EMG1: variants seen among roughly 807,000 people sequenced by gnomAD.
EMG1 encodes ribosomal RNA small subunit methyltransferase NEP1.
A neutral mutation model predicts 26.9 loss-of-function variants in EMG1; 24 were observed. The observed-to-expected ratio is 0.89, with a 90% CI of 0.65 to 1.26. EMG1 has a LOEUF of 1.26. EMG1 is among the 50% of genes most tolerant of loss of function. EMG1 has a pLI of 0.00. For synonymous variants in EMG1, 140 were observed against 112.6 expected, an observed-to-expected ratio of 1.24 and a Z score of -1.54; for missense variants, 299 against 307.6, an observed-to-expected ratio of 0.97 and a Z score of 0.21.
At chr12:6,989,018 C>T (rs1017851188), downstream of EMG1, among the ~76,000 whole-genome samples, 3 of 151,518 alleles carry the variant, frequency 2.0e-5, no homozygotes, top group South Asian at 2.1e-4. Context: ...CCCAGCTACT[C>T]GGGAGGCTGA....
At chr12:6,972,411 G>A (rs1164000221) in intron 1 of EMG1, among the ~76,000 whole-genome samples, 3 of 151,160 alleles carry the variant, frequency 2.0e-5, no homozygotes, top group East Asian at 3.9e-4. Context: ...CCCTTTTTTC[G>A]CAGACTTTTT....
In EMG1 at chr12:6,975,681, CTG is replaced by C. The variant is rs1555153055; in HGVS notation, c.622-13_622-12del. ...TGAGTGACAGAGTTGGCTGACAAAACTGTTCTTTTCTTAGGTCAGTGTGGAGT... is the reference window on the plus strand; with the variant it reads ...TGAGTGACAGAGTTGGCTGACAAAACTTCTTTTCTTAGGTCAGTGTGGAGT... On this transcript the variant is annotated splice_polypyrimidine_tract_variant and intron_variant, in intron 5 of 5. Transcript: ENST00000599672. 1 of 1,555,034 alleles carries C rather than the reference CTG, an allele frequency of 6.4e-7. No homozygotes were observed. The highest frequency in any genetic ancestry group is 1.4e-5 in the African/African-American group (1 of 73,866).
At position 6,974,309 on chromosome 12, in the gene EMG1, T is replaced by C. The variant is rs782509014; in HGVS notation, c.169-30T>C. 2.6e-6 allele frequency: 4 copies of C among 1,515,128 alleles called. No homozygotes were observed. In the African/African-American group the frequency reaches 5.5e-5, roughly 21 times the overall value. 93.9% of individuals were successfully genotyped at this position (1,515,128 alleles called of 1,614,324 possible). On this transcript the variant is annotated intron_variant, in intron 1 of 5. Coordinates refer to ENST00000599672, the MANE Select transcript of EMG1 (RefSeq NM_006331.8). ...GGGGCTAGGTAACAGAAGCTTATGC[T>C]GTTCTCTCGTCATGTTCCCTGTTCT...
chr12:6,977,508 T>A lies in EMG1; in HGVS notation c.*1699T>A. The A allele has an allele frequency of 1.9e-6, 3 of 1,614,176 alleles. No individual in the cohort carries two copies. Among genetic ancestry groups the A allele is most frequent in the Non-Finnish European group, 2.5e-6 (3 of 1,180,018 alleles). Reference sequence around the variant, plus strand: ...CCAGCTTGCTCAGGGTGGGGCTCTCTTGAATGAGCCTGGCAGCCTGGGGAG... The same window carrying A: ...CCAGCTTGCTCAGGGTGGGGCTCTCATGAATGAGCCTGGCAGCCTGGGGAG... On this transcript the variant is annotated 3_prime_UTR_variant, in exon 6 of 6. Transcript: ENST00000599672. The surrounding 1 kb of genome is among the most constrained non-coding windows in gnomAD (Gnocchi z 4.5).
intron 7 of EMG1, chr12:6,988,143 C>G (rs1946546915): frequency 4.2e-6 from 1 of 238,100 alleles, no homozygotes; most frequent in East Asian, 7.9e-5. Context: ...ACTTAGAGGC[C>G]TTGTGTGCTA....
Position 6,977,744 on chromosome 12 carries a change from A to G in EMG1, c.*1935A>G. 6.2e-7 allele frequency: 1 copy of G among 1,613,972 alleles called. No homozygotes were observed. Among genetic ancestry groups the G allele is most frequent in the Non-Finnish European group, 8.5e-7 (1 of 1,179,968 alleles). ...AGGAACTTGAGTCGTTTGAAGATGT[A>G]GCTGGAGAAAAGGGTGGGTGGGGCG... On this transcript the variant is annotated 3_prime_UTR_variant, in exon 6 of 6. Coordinates refer to ENST00000599672, the MANE Select transcript of EMG1 (RefSeq NM_006331.8). The surrounding 1 kb of genome is among the most constrained non-coding windows in gnomAD (Gnocchi z 4.5).
chr12:6,992,844 A>G (rs1946601572), downstream of EMG1, among the ~76,000 whole-genome samples: 1 of 152,220 alleles, frequency 6.6e-6, no homozygotes, highest in African/African-American at 2.4e-5. Context: ...CAAGTCCCTT[A>G]TATAATATGG....
chr12:6,972,148 C>T (rs2138316874), intron 1 of EMG1, among the ~76,000 whole-genome samples: 1 of 151,146 alleles, frequency 6.6e-6, no homozygotes, highest in South Asian at 2.1e-4. Context: ...CTCACTGCAG[C>T]CTCCGCCTCC....
chr12:6,986,046 A>G (rs1946522358), intron 6 of EMG1, among the ~76,000 whole-genome samples: 2 of 151,574 alleles, frequency 1.3e-5, no homozygotes, highest in African/African-American at 4.8e-5. Context: ...AAGTGCTAGG[A>G]TTACAGGCGT....
downstream of EMG1, chr12:6,983,315 C>T: frequency 1.5e-6 from 1 of 687,638 alleles, no homozygotes; most frequent in Non-Finnish European, 2.6e-6. Flanking sequence ...ACCCTCTTTG[C>T]AAGTGGGAGC....
At position 6,979,224 on chromosome 12, in the gene EMG1, G is replaced by A. The variant is rs1946443958; in HGVS notation, c.*3415G>A. 3.7e-6 allele frequency: 2 copies of A among 535,824 alleles called. No homozygotes were observed. The highest frequency in any genetic ancestry group is 2.4e-5 in the South Asian group (1 of 42,352). The allele number at this position is 535,824 out of a possible 1,614,324, so 33.2% of individuals were successfully genotyped here. ...GGATGTGATAAGGCAAGCTAGGAGC[G>A]GCTCCTAGAGAAGGCAACGGGTGCT... On this transcript the variant is annotated 3_prime_UTR_variant, in exon 6 of 6. Coordinates refer to ENST00000599672, the MANE Select transcript of EMG1 (RefSeq NM_006331.8).
In EMG1 at chr12:6,976,121, C is replaced by A; in HGVS notation, c.*312C>A. 3.7e-6 allele frequency: 1 copy of A among 268,554 alleles called. No homozygotes were observed. The highest frequency in any genetic ancestry group is 7.8e-5 in the East Asian group (1 of 12,896). 16.6% of individuals were successfully genotyped at this position (268,554 alleles called of 1,614,324 possible). A position where few individuals can be genotyped will look rare whatever the true frequency, so the allele number is the denominator to read the frequency against. ...GCTTTAGCTCCCAGATTCCCATGTGCTAAAGGAGAGAACCCTGATGATGGA... is the reference window on the plus strand; with the variant it reads ...GCTTTAGCTCCCAGATTCCCATGTGATAAAGGAGAGAACCCTGATGATGGA... On this transcript the variant is annotated 3_prime_UTR_variant, in exon 6 of 6. Coordinates refer to ENST00000599672, the MANE Select transcript of EMG1 (RefSeq NM_006331.8).
chr12:6,980,255 C>G (rs1555153906), downstream of EMG1, among the ~76,000 whole-genome samples: 1 of 151,964 alleles, frequency 6.6e-6, no homozygotes, highest in African/African-American at 2.4e-5. Context: ...GTTGCCCAGG[C>G]TGGTCTTGAA....
chr12:6,985,370 T>C (rs1946512980), intron 6 of EMG1, among the ~76,000 whole-genome samples: 1 of 151,614 alleles, frequency 6.6e-6, no homozygotes, highest in Non-Finnish European at 1.5e-5. Flanking sequence ...CACTCCAGCC[T>C]GGGCGACAGA....
downstream of EMG1, among the ~76,000 whole-genome samples, chr12:6,991,307 AAGT>A: frequency 6.6e-6 from 1 of 152,374 alleles, no homozygotes; most frequent in East Asian, 1.9e-4. Flanking sequence ...AAAACTTGAC[AAGT>A]AGTAGTTTCT....
exon 8 of EMG1, chr12:6,988,189 G>A (rs74374779): frequency 3.4e-5 from 6 of 178,728 alleles, no homozygotes; most frequent in East Asian, 2.8e-4. Context: ...AGGAGGGGAC[G>A]TTGTTGAGTT....
At position 6,975,303 on chromosome 12, in the gene EMG1, T is replaced by C. The variant is rs1232599299; in HGVS notation, c.546T>C (p.Val182=). The part of the protein sequence containing the change: ...MKVGTSFSIP[V]VSDVRELVPS... ...TTGGCACTTCTTTTTCCATCCCGGT[T>C]GTCAGTGATGTGCGTGAGCTGGTGC... The change falls in exon 5 of 6, where the codon GTT becomes GTC. Residue 182 remains valine (V), a synonymous_variant. Coordinates refer to ENST00000599672, the MANE Select transcript of EMG1 (RefSeq NM_006331.8). The C allele has an allele frequency of 1.2e-6, 2 of 1,611,598 alleles. No individual in the cohort carries two copies. Among genetic ancestry groups the C allele is most frequent in the African/African-American group, 2.7e-5 (2 of 74,936 alleles).
downstream of EMG1, among the ~76,000 whole-genome samples, chr12:6,989,249 C>A (rs782018321): frequency 6.6e-6 from 1 of 151,708 alleles, no homozygotes; most frequent in Non-Finnish European, 1.5e-5. Context: ...CACTCCAAAC[C>A]TGAGGATCTT....
At chr12:6,995,541 G>A (rs1555155940) in intron 7 of EMG1, among the ~76,000 whole-genome samples, 1 of 151,266 alleles carries the variant, frequency 6.6e-6, no homozygotes. Context: ...AAATCCTGTT[G>A]ATTCCTCCTT....
Sources: allele counts gnomAD v4.1 joint callset (sites outside exome capture counted in the v4.1 genomes callset), GRCh38; gene constraint gnomAD v4.1.1; non-coding constraint Gnocchi (gnomAD v3.1); transcripts MANE v1.5; gene names NCBI Gene and HGNC (gene_info 2026-07-23, HGNC 2026-07-21).